MYO5A: variants seen among roughly 807,000 people sequenced by gnomAD.
MYO5A encodes unconventional myosin-Va.
A neutral mutation model predicts 249.7 loss-of-function variants in MYO5A; 98 were observed. The observed-to-expected ratio is 0.39, with a 90% CI of 0.33 to 0.46. MYO5A has a LOEUF of 0.46. MYO5A is among the 20% of genes least tolerant of loss of function. MYO5A has a pLI of 0.98. For missense variants in MYO5A, 1,696 were observed against 2,308.8 expected, an observed-to-expected ratio of 0.73 and a Z score of 5.44; for synonymous variants, 778 against 810.6, an observed-to-expected ratio of 0.96 and a Z score of 0.68.
At chr15:52,446,604 C>T (rs899655981) in intron 1 of MYO5A, among the ~76,000 whole-genome samples, 2 of 152,180 alleles carry the variant, frequency 1.3e-5, no homozygotes, top group African/African-American at 4.8e-5. Context: ...TCCTCCAGAT[C>T]CCAGAATCGT....
At chr15:52,347,329 A>G (rs28496242) in intron 29 of MYO5A, among the ~76,000 whole-genome samples, 14,805 of 152,154 alleles carry the variant, frequency 0.097, 2,239 homozygotes, top group African/African-American at 0.33. Flanking sequence ...ATGTATCCCA[A>G]AACTTAAAGC....
intron 1 of MYO5A, among the ~76,000 whole-genome samples, chr15:52,520,760 C>T (rs953316587): frequency 8.5e-5 from 13 of 152,206 alleles, no homozygotes; most frequent in Non-Finnish European, 1.2e-4. Flanking sequence ...TATTTACATC[C>T]TGTACCTCAG....
intron 10 of MYO5A, 66 bp downstream of exon 10, chr15:52,397,135 T>TA: frequency 1.3e-6 from 2 of 1,570,180 alleles, no homozygotes; most frequent in Non-Finnish European, 1.7e-6. Context: ...AATGCCCACT[T>TA]AGAGTTACTA....
intron 34 of MYO5A, among the ~76,000 whole-genome samples, chr15:52,332,074 C>A (rs887442640): frequency 6.6e-6 from 1 of 152,206 alleles, no homozygotes; most frequent in African/African-American, 2.4e-5. Context: ...AGATCATAAA[C>A]CTGCAGCTGC....
intron 36 of MYO5A, among the ~76,000 whole-genome samples, chr15:52,326,107 A>T (rs1042191887): frequency 6.6e-6 from 1 of 152,248 alleles, no homozygotes; most frequent in Non-Finnish European, 1.5e-5. Flanking sequence ...GCCAAAGTTG[A>T]AACAGGTATG....
At chr15:52,414,505 C>A (rs2043389701) in intron 5 of MYO5A, among the ~76,000 whole-genome samples, 1 of 152,040 alleles carries the variant, frequency 6.6e-6, no homozygotes, top group Admixed American at 6.6e-5. Flanking sequence ...AAATAGTACA[C>A]TCAACTCATG....
At chr15:52,405,227 A>T in intron 9 of MYO5A, 60 bp downstream of exon 9, 1 of 1,244,996 alleles carries the variant, frequency 8.0e-7, no homozygotes, top group African/African-American at 1.5e-5. Context: ...TTCTTTAAAC[A>T]ATCTACAAAT....
chr15:52,407,928 G>A (rs28613360), intron 7 of MYO5A, 131 bp downstream of exon 7: 13,591 of 680,530 alleles, frequency 0.02, 702 homozygotes, highest in African/African-American at 0.14. Context: ...TGAAGCCAAG[G>A]GCTGACTTTT....
chr15:52,420,342 C>T (rs1567109572), intron 4 of MYO5A, among the ~76,000 whole-genome samples: 3 of 150,824 alleles, frequency 2.0e-5, no homozygotes, highest in African/African-American at 7.3e-5. Flanking sequence ...GTCGTGAGGG[C>T]TCTGCCCTCA....
intron 15 of MYO5A, 50 bp from the exon 16 acceptor site, chr15:52,383,238 AG>A: frequency 6.9e-7 from 1 of 1,438,944 alleles, no homozygotes; most frequent in Non-Finnish European, 9.8e-7. Context: ...CCAAAGTCAA[AG>A]GTGAGGTAAA....
chr15:52,421,586 G>C (rs750751075), intron 4 of MYO5A, among the ~76,000 whole-genome samples: 4 of 152,284 alleles, frequency 2.6e-5, no homozygotes, highest in Non-Finnish European at 4.4e-5. Flanking sequence ...GCATAGAGTA[G>C]AGCTGGGTTG....
chr15:52,442,544 A>AT (rs1259995161), intron 1 of MYO5A, among the ~76,000 whole-genome samples: 1 of 152,140 alleles, frequency 6.6e-6, no homozygotes, highest in Non-Finnish European at 1.5e-5. Context: ...GCTAACATTT[A>AT]TTGAGCACCT....
intron 30 of MYO5A, among the ~76,000 whole-genome samples, chr15:52,344,373 T>C (rs1370113009): frequency 6.6e-6 from 1 of 152,192 alleles, no homozygotes; most frequent in Non-Finnish European, 1.5e-5. Context: ...ATCTTCACTG[T>C]GCATTTCCCC....
intron 1 of MYO5A, among the ~76,000 whole-genome samples, chr15:52,507,343 TG>T (rs1450158735): frequency 1.3e-5 from 2 of 152,208 alleles, no homozygotes; most frequent in African/African-American, 4.8e-5. Context: ...AGAATGTTGA[TG>T]ATGGAAACAT....
intron 22 of MYO5A, among the ~76,000 whole-genome samples, chr15:52,369,223 C>T (rs1445457681): frequency 2.6e-5 from 4 of 152,188 alleles, no homozygotes; most frequent in Non-Finnish European, 4.4e-5. Context: ...TGCTGTAGTT[C>T]TCACTGCATG....
chr15:52,483,464 C>A (rs191532336), intron 1 of MYO5A, among the ~76,000 whole-genome samples: 4 of 152,132 alleles, frequency 2.6e-5, no homozygotes, highest in Non-Finnish European at 1.5e-5. Context: ...TTAGAAATTT[C>A]AGGAGTAGGG....
intron 3 of MYO5A, among the ~76,000 whole-genome samples, chr15:52,426,878 A>C (rs1280182401): frequency 1.3e-5 from 2 of 151,902 alleles, no homozygotes; most frequent in Non-Finnish European, 2.9e-5. Context: ...AATTGTAATA[A>C]GGAAAAGAAG....
At chr15:52,336,698 A>C in intron 33 of MYO5A, 142 bp from the exon 34 acceptor site, 1 of 667,236 alleles carries the variant, frequency 1.5e-6, no homozygotes, top group South Asian at 1.8e-5. Flanking sequence ...CCTGGCTAAA[A>C]TTGGCAGGCA....
chr15:52,400,869 T>A (rs918709979), intron 9 of MYO5A, among the ~76,000 whole-genome samples: 2 of 152,204 alleles, frequency 1.3e-5, no homozygotes, highest in Non-Finnish European at 2.9e-5. Flanking sequence ...GGGAATTCTA[T>A]CTTTTACCAG....
Sources: allele counts gnomAD v4.1 joint callset (sites outside exome capture counted in the v4.1 genomes callset), GRCh38; gene constraint gnomAD v4.1.1; transcripts MANE v1.5; gene names NCBI Gene and HGNC (gene_info 2026-07-23, HGNC 2026-07-21).